Variants in KLK14 observed in about 807,000 individuals in gnomAD.
The protein encoded by KLK14 is kallikrein related peptidase 14, also known as kallikrein-14.
A neutral mutation model predicts 24.6 loss-of-function variants in KLK14; 21 were observed. That is an observed-to-expected ratio of 0.85 (90% CI 0.61 to 1.23). The LOEUF (loss-of-function observed/expected upper bound fraction) is 1.23. KLK14 is among the 50% of genes most tolerant of loss of function. KLK14 has a pLI of 0.00. For synonymous variants in KLK14, 133 were observed against 139.7 expected, an observed-to-expected ratio of 0.95 and a Z score of 0.34; for missense variants, 320 against 338.9, an observed-to-expected ratio of 0.94 and a Z score of 0.44.
At chr19:51,079,407 C>G in intron 4 of KLK14, 42 bp downstream of exon 4, 1 of 1,554,944 alleles carries the variant, frequency 6.4e-7, no homozygotes, top group South Asian at 1.2e-5. Context: ...ACCCAGGAGC[C>G]CAGGCCCAGT....
Position 51,082,757 on chromosome 19 carries a change from GCAGAGAGGTAGGGAC to G in KLK14, c.-73_-59del. Reference sequence around the variant, plus strand: ...AGACCCTCAGGGACATGAAGACACAGCAGAGAGGTAGGGACCAGAGACGAGGGGGGCGGGGCCTGC... The same window carrying G: ...AGACCCTCAGGGACATGAAGACACAGCAGAGACGAGGGGGGCGGGGCCTGC... On this transcript the variant is annotated 5_prime_UTR_variant, in exon 1 of 6. Transcript: ENST00000650543. 1 of 1,613,418 alleles carries G rather than the reference GCAGAGAGGTAGGGAC, an allele frequency of 6.2e-7. No homozygotes were observed. Among genetic ancestry groups the G allele is most frequent in the Non-Finnish European group, 8.5e-7 (1 of 1,179,786 alleles).
Position 51,078,072 on chromosome 19 carries a change from G to A in KLK14, c.691C>T (p.Pro231Ser). The A allele has an allele frequency of 6.2e-7, 1 of 1,612,328 alleles. No homozygotes were observed. Among genetic ancestry groups the A allele is most frequent in the East Asian group, 2.2e-5 (1 of 44,778 alleles). Reference protein sequence around the residue: ...GMERCALPGYPGVYTNLCKYR... With the variant: ...GMERCALPGYSGVYTNLCKYR... ...TTGCACAGGTTGGTGTAGACACCGG[G>A]GTAGCCAGGCAGGGCGCAGCGCTCC... Residue 231 changes from proline (P) to serine (S), a missense_variant, in exon 6 of 6, where the codon CCC becomes TCC. Coordinates refer to ENST00000650543, the MANE Select transcript of KLK14 (RefSeq NM_001369775.2). The surrounding 1 kb of genome is among the most constrained non-coding windows in gnomAD (Gnocchi z 5.0).
chr19:51,082,568 C>A lies in KLK14; in HGVS notation c.40+7G>T. 2 of 1,613,830 alleles carry A rather than the reference C, an allele frequency of 1.2e-6. No homozygotes were observed. Among genetic ancestry groups the A allele is most frequent in the Non-Finnish European group, 1.7e-6 (2 of 1,179,992 alleles). On this transcript the variant is annotated splice_region_variant and intron_variant, in intron 2 of 5. Transcript: ENST00000650543. ...CCCCCTTGTGTCATACCCAACCGTTCTCTTACCTATAGCCAGGACTTGAAG... is the reference window on the plus strand; with the variant it reads ...CCCCCTTGTGTCATACCCAACCGTTATCTTACCTATAGCCAGGACTTGAAG...
rs1163953363 is a variant in KLK14, at chr19:51,079,548, T to A, written c.367A>T (p.Ile123Phe). Residue 123 changes from isoleucine to phenylalanine, a missense_variant, in exon 4 of 6, where the codon ATC (isoleucine) becomes TTC (phenylalanine). By Grantham distance (21) the Ile-to-Phe change is conservative. Coordinates refer to ENST00000650543, the MANE Select transcript of KLK14 (RefSeq NM_001369775.2). Reference protein sequence around the residue: ...MLLQLQQPARIGRAVRPIEVT... With the variant: ...MLLQLQQPARFGRAVRPIEVT... ...TCAATGGGCCTGACTGCCCTCCCGA[T>A]CCGTGCGGGCTGCTGTAGCTGCAGC... 3 of 1,613,978 alleles carry A rather than the reference T, an allele frequency of 1.9e-6. No homozygotes were observed. The highest frequency in any genetic ancestry group is 2.5e-6 in the Non-Finnish European group (3 of 1,180,004).
Position 51,078,040 on chromosome 19 carries a change from T to C in KLK14, c.723A>G (p.Arg241=), listed in dbSNP as rs371317443. ...PGVYTNLCKY[R]SWIEETMRDK ...CCCGCATCGTTTCCTCAATCCAGCT[T>C]CTGTACTTGCACAGGTTGGTGTAGA... Residue 241 remains arginine, a synonymous_variant, in exon 6 of 6, where the codon AGA becomes AGG. Transcript: ENST00000650543. This position sits in a 1 kb window ranked among gnomAD's most constrained non-coding sequence, Gnocchi z 5.0. 2.5e-6 allele frequency: 4 copies of C among 1,613,936 alleles called. No homozygotes were observed. Among genetic ancestry groups the C allele is most frequent in the Non-Finnish European group, 3.4e-6 (4 of 1,179,866 alleles).
intron 2 of KLK14, among the ~76,000 whole-genome samples, chr19:51,082,044 T>C (rs1206539177): frequency 1.3e-5 from 2 of 151,754 alleles, no homozygotes; most frequent in Non-Finnish European, 2.9e-5. Flanking sequence ...TTCCCCCCAA[T>C]GAGTCCTTCC....
In KLK14 at chr19:51,078,284, G is replaced by T. The variant is rs1599795740; in HGVS notation, c.604-125C>A. The T allele has an allele frequency of 2.9e-6, 3 of 1,038,150 alleles. No homozygotes were observed. Among genetic ancestry groups the T allele is most frequent in the African/African-American group, 1.6e-5 (1 of 62,546 alleles). The allele number at this position is 1,038,150 out of a possible 1,614,324, so 64.3% of individuals were successfully genotyped here. A position where few individuals can be genotyped will look rare whatever the true frequency, so the allele number is the denominator to read the frequency against. On this transcript the variant is annotated intron_variant, in intron 5 of 5. Transcript: ENST00000650543. The surrounding 1 kb of genome is among the most constrained non-coding windows in gnomAD (Gnocchi z 5.0). ...ACACTGGTGGACAGTTAGGGACACA[G>T]TCCTGCCCCAGCTCTGAGGTCTCAG...
chr19:51,079,483 T>G lies in KLK14; in HGVS notation c.432A>C (p.Arg144=). ...QACASPGTSC[R]VSGWGTISSP... is the part of the protein sequence containing the mutation. The stretch of plus-strand genomic sequence containing the variant: ...TGGATATAGTTCCCCAGCCTGACAC[T>G]CGGCAGGAGGTCCCGGGGCTGGCAC... Residue 144 remains arginine, a synonymous_variant, in exon 4 of 6, where the codon CGA becomes CGC. Transcript: ENST00000650543. 3 of 1,613,474 alleles carry G rather than the reference T, an allele frequency of 1.9e-6. No homozygotes were observed. Among genetic ancestry groups the G allele is most frequent in the South Asian group, 1.1e-5 (1 of 91,062 alleles).
rs755849341 is a variant in KLK14, at chr19:51,078,809, C to T, written c.603+6G>A. On this transcript the variant is annotated splice_donor_region_variant and intron_variant, in intron 5 of 5. Coordinates refer to ENST00000650543, the MANE Select transcript of KLK14 (RefSeq NM_001369775.2). The surrounding 1 kb of genome is among the most constrained non-coding windows in gnomAD (Gnocchi z 5.0). Reference sequence around the variant, plus strand: ...TCCCTACCACAGCTCCCATCCTGGGCCTTACCTGACAAGAGTCCTTCCCGC... The same window carrying T: ...TCCCTACCACAGCTCCCATCCTGGGTCTTACCTGACAAGAGTCCTTCCCGC... The T allele has an allele frequency of 1.1e-5, 17 of 1,613,102 alleles. No homozygotes were observed. The highest frequency in any genetic ancestry group is 1.4e-5 in the Non-Finnish European group (17 of 1,179,480).
chr19:51,079,367 C>T (rs1056870491), intron 4 of KLK14, 82 bp downstream of exon 4: 25 of 1,383,516 alleles, frequency 1.8e-5, no homozygotes, highest in East Asian at 2.5e-5. Context: ...GACCCAGGAG[C>T]CCCAGTCCCC....
chr19:51,081,135 G>C (rs1599797913), intron 3 of KLK14, among the ~76,000 whole-genome samples: 1 of 152,352 alleles, frequency 6.6e-6, no homozygotes, highest in Admixed American at 6.5e-5. Flanking sequence ...TTTATGGCTA[G>C]ACTGCAGGTC....
At chr19:51,079,323 A>G (rs2091824038) in intron 4 of KLK14, 126 bp downstream of exon 4, 3 of 1,003,306 alleles carry the variant, frequency 3.0e-6, no homozygotes, top group Admixed American at 5.9e-5. Context: ...CCTCCCTCAG[A>G]CCCAGGAGTC....
At position 51,078,011 on chromosome 19, in the gene KLK14, T is replaced by G. The variant is rs2091813244; in HGVS notation, c.752A>C (p.Lys251Thr). 6.2e-7 allele frequency: 1 copy of G among 1,613,630 alleles called. No individual in the cohort carries two copies. The highest frequency in any genetic ancestry group is 1.3e-5 in the African/African-American group (1 of 74,866). ...RSWIEETMRD[K>T] ...TCCATCCCACCGTGAAGACCATCAT[T>G]TGTCCCGCATCGTTTCCTCAATCCA... The change falls in exon 6 of 6, where the codon AAA (lysine) becomes ACA (threonine). Residue 251 changes from lysine to threonine, a missense_variant. Coordinates refer to ENST00000650543, the MANE Select transcript of KLK14 (RefSeq NM_001369775.2). This position sits in a 1 kb window ranked among gnomAD's most constrained non-coding sequence, Gnocchi z 5.0.
chr19:51,080,893 G>A (rs1457710156), intron 3 of KLK14, among the ~76,000 whole-genome samples: 3 of 152,148 alleles, frequency 2.0e-5, no homozygotes, highest in South Asian at 2.1e-4. Context: ...GGCTGGTCTC[G>A]AACTCCTGAC....
Position 51,082,711 on chromosome 19 carries a change from G to C in KLK14, c.-23+11C>G, listed in dbSNP as rs2091848662. The C allele has an allele frequency of 6.2e-7, 1 of 1,614,058 alleles. No homozygotes were observed. The highest frequency in any genetic ancestry group is 2.2e-5 in the East Asian group (1 of 44,858). On this transcript the variant is annotated intron_variant, in intron 1 of 5. Transcript: ENST00000650543. ...GGGGGCTGAGAGGCAGAGACAGCAA[G>C]GGGCACTTACCCAGAGCCCAAGACC...
In KLK14 at chr19:51,082,807, G is replaced by A. The variant is rs969951458; in HGVS notation, c.-108C>T. On this transcript the variant is annotated 5_prime_UTR_variant, in exon 1 of 6. Transcript: ENST00000650543. ...GGGGGGCGGGGCCTGCAGGCTCTGC[G>A]GGCGGCAGGTGGGAGGATGTGGAGC... 16 of 1,586,138 alleles carry A rather than the reference G, an allele frequency of 1.0e-5. No homozygotes were observed. The highest frequency in any genetic ancestry group is 2.1e-4 in the Middle Eastern group (1 of 4,824).
intron 2 of KLK14, 107 bp downstream of exon 2, chr19:51,082,468 T>C (rs2091846644): frequency 9.8e-7 from 1 of 1,018,454 alleles, no homozygotes; most frequent in East Asian, 2.4e-5. Context: ...CTCCCTGCTC[T>C]TTCTTATGAG....
rs770591913 is a variant in KLK14, at chr19:51,082,587, C to T, written c.28G>A (p.Val10Ile). 1.2e-6 allele frequency: 2 copies of T among 1,613,952 alleles called. No homozygotes were observed. Among genetic ancestry groups the T allele is most frequent in the South Asian group, 1.1e-5 (1 of 91,086 alleles). Residue 10 changes from valine (V) to isoleucine (I), a missense_variant, in exon 2 of 6, where the codon GTC (valine) becomes ATC (isoleucine). Coordinates refer to ENST00000650543, the MANE Select transcript of KLK14 (RefSeq NM_001369775.2). MFLLLTALQ[V>I]LAIAMTQSQE... ...ACCGTTCTCTTACCTATAGCCAGGA[C>T]TTGAAGTGCTGTCAGCAGGAGGAAC...
chr19:51,079,254 T>TATG (rs2091823452), intron 4 of KLK14, among the ~76,000 whole-genome samples, 195 bp downstream of exon 4: 1 of 112,768 alleles, frequency 8.9e-6, no homozygotes, highest in South Asian at 3.2e-4. Context: ...CCCTCAGACG[T>TATG]ATGAGTCCAG....
Sources: gnomAD v4.1 joint callset for allele counts (sites outside exome capture counted in the v4.1 genomes callset) on GRCh38, gnomAD v4.1.1 for gene constraint, Gnocchi (gnomAD v3.1) non-coding constraint, MANE v1.5 for transcripts, NCBI Gene and HGNC (gene_info 2026-07-23, HGNC 2026-07-21) for gene names.